Variants in DGKK observed in about 807,000 individuals in gnomAD.
DGKK encodes diacylglycerol kinase kappa.
A neutral mutation model predicts 92.2 loss-of-function variants in DGKK; 35 were observed. The observed-to-expected ratio is 0.38, with a 90% CI of 0.29 to 0.50. The LOEUF is 0.50. DGKK is among the 20% of genes least tolerant of loss of function. The pLI, the probability that DGKK is intolerant of heterozygous loss-of-function variation, is 0.92. For missense variants in DGKK, 910 were observed against 992.2 expected, an observed-to-expected ratio of 0.92 and a Z score of 1.11; for synonymous variants, 368 against 360.6, an observed-to-expected ratio of 1.02 and a Z score of -0.23.
At chrX:50,435,765 A>AAG (rs1557230710) in intron 1 of DGKK, among the ~76,000 whole-genome samples, 1 of 108,128 alleles carries the variant, frequency 9.2e-6, no homozygotes, top group African/African-American at 3.4e-5. Context: ...GATATTCAGA[A>AAG]AGAGAGAGAG....
At chrX:50,376,495 CAGTCTT>C (rs1557223853) in intron 23 of DGKK, among the ~76,000 whole-genome samples, 1 of 111,776 alleles carries the variant, frequency 8.9e-6, no homozygotes, top group Admixed American at 9.5e-5. Flanking sequence ...CAAGGGTAAA[CAGTCTT>C]AGTTCTATTG....
At chrX:50,423,187 C>T (rs1007800286) in intron 2 of DGKK, among the ~76,000 whole-genome samples, 1 of 112,311 alleles carries the variant, frequency 8.9e-6, no homozygotes, top group African/African-American at 3.2e-5. Context: ...AATGGGACAA[C>T]AGATCATGCA....
chrX:50,432,760 A>G (rs1389718329), intron 1 of DGKK, among the ~76,000 whole-genome samples: 2 of 112,683 alleles, frequency 1.8e-5, no homozygotes, highest in East Asian at 5.6e-4. Flanking sequence ...CTAAACACCT[A>G]TAAGTTTTGG....
At chrX:50,375,253 C>T (rs1924241729) in intron 24 of DGKK, among the ~76,000 whole-genome samples, 196 bp from the exon 25 acceptor site, 1 of 111,694 alleles carries the variant, frequency 9.0e-6, no homozygotes, top group Non-Finnish European at 1.9e-5. Context: ...TGCCAGCTGA[C>T]AACTGCTGGT....
chrX:50,394,252 G>A (rs1006560119), intron 8 of DGKK, among the ~76,000 whole-genome samples: 2 of 111,827 alleles, frequency 1.8e-5, no homozygotes, highest in African/African-American at 6.5e-5. Context: ...GGGAGGAGGT[G>A]GGTTGAGAAG....
intron 1 of DGKK, among the ~76,000 whole-genome samples, chrX:50,429,481 C>A (rs950210164): frequency 1.8e-5 from 2 of 111,531 alleles, no homozygotes; most frequent in Non-Finnish European, 3.8e-5. Context: ...GTCAGGAGAT[C>A]GAGACCATCC....
chrX:50,391,606 A>G (rs782557506), intron 10 of DGKK, 30 bp from the exon 11 acceptor site: 3 of 1,205,633 alleles, frequency 2.5e-6, no homozygotes, highest in East Asian at 5.9e-5. Flanking sequence ...CACCCTTTTC[A>G]GACAGTCTTT....
intron 25 of DGKK, 32 bp downstream of exon 25, chrX:50,374,939 T>C (rs1924230494): frequency 3.5e-6 from 4 of 1,139,973 alleles, no homozygotes; most frequent in Non-Finnish European, 4.8e-6. Flanking sequence ...TAGAATACTT[T>C]GCCCTCCCAG....
In DGKK at chrX:50,447,409, AATATAT is replaced by A. The variant is rs1300605253; in HGVS notation, c.645+22619_645+22624del. On this transcript the variant is annotated intron_variant, in intron 1 of 27. Coordinates refer to ENST00000611977, the MANE Select transcript of DGKK (RefSeq NM_001013742.4). ...ATATATATATATTATATATATATAT[AATATAT>A]ATATATATATATTATATATATATTT... Among the ~76,000 whole-genome samples, 6 of 12,466 alleles carry A rather than the reference AATATAT, an allele frequency of 4.8e-4. 1 individual carries two copies. Among genetic ancestry groups the A allele is most frequent in the African/African-American group, 1.6e-3 (2 of 1,222 alleles). 10.8% of individuals were successfully genotyped at this position (12,466 alleles called of 115,157 possible). A position where few individuals can be genotyped will look rare whatever the true frequency, so the allele number is the denominator to read the frequency against.
At chrX:50,430,037 T>C (rs1208564325) in intron 1 of DGKK, among the ~76,000 whole-genome samples, 4 of 112,490 alleles carry the variant, frequency 3.6e-5, no homozygotes, top group Non-Finnish European at 7.5e-5. Flanking sequence ...AGTTGAAATT[T>C]TTCCTCTCAA....
rs1220876216 is a variant in DGKK, at chrX:50,370,533, G to A, written c.3629C>T (p.Thr1210Ile). ...IFVPEEKSSDTDSRSLRLKIK... is the reference protein window; with the variant it reads ...IFVPEEKSSDIDSRSLRLKIK... ...TTTCAGCCTGAGGCTTCTACTGTCAGTGTCCGAAGATTTTTCCTGAGAAAC... is the reference window on the plus strand; with the variant it reads ...TTTCAGCCTGAGGCTTCTACTGTCAATGTCCGAAGATTTTTCCTGAGAAAC... The change falls in exon 27 of 28, where the codon ACT becomes ATT. Residue 1210 changes from threonine to isoleucine, a missense_variant. Coordinates refer to ENST00000611977, the MANE Select transcript of DGKK (RefSeq NM_001013742.4). The A allele has an allele frequency of 1.7e-6, 2 of 1,196,342 alleles. No individual in the cohort carries two copies. The highest frequency in any genetic ancestry group is 1.8e-5 in the African/African-American group (1 of 56,918).
chrX:50,457,583 G>A (rs1926639557), intron 1 of DGKK, among the ~76,000 whole-genome samples: 1 of 111,705 alleles, frequency 9.0e-6, no homozygotes, highest in East Asian at 2.8e-4. Context: ...CAGGCAGAGT[G>A]TAAATTCTAA....
chrX:50,407,359 A>C (rs1200617369), intron 4 of DGKK, among the ~76,000 whole-genome samples: 1 of 111,902 alleles, frequency 8.9e-6, no homozygotes, highest in Non-Finnish European at 1.9e-5. Flanking sequence ...TTACAGCTGG[A>C]AAGTCCAAGA....
intron 2 of DGKK, among the ~76,000 whole-genome samples, chrX:50,423,571 A>C (rs1198888603): frequency 8.9e-6 from 1 of 112,182 alleles, no homozygotes; most frequent in African/African-American, 3.2e-5. Context: ...AAGATAAGGC[A>C]ACCCATAGTT....
In DGKK at chrX:50,365,618, A is replaced by G. The variant is rs965907651; in HGVS notation, c.*3322T>C. 12 of 111,136 alleles carry G rather than the reference A, an allele frequency of 1.1e-4. No homozygotes were observed. The highest frequency in any genetic ancestry group is 3.9e-4 in the African/African-American group (12 of 30,482). The allele number at this position is 111,136 out of a possible 1,213,427, so 9.2% of individuals were successfully genotyped here. A position where few individuals can be genotyped will look rare whatever the true frequency, so the allele number is the denominator to read the frequency against. On this transcript the variant is annotated 3_prime_UTR_variant, in exon 28 of 28. Coordinates refer to ENST00000611977, the MANE Select transcript of DGKK (RefSeq NM_001013742.4). Reference sequence around the variant, plus strand: ...TTTGCAGGGGCCTCTGAGGAAATAAAAAACACAGAGCAGAAAACAACAATG... The same window carrying G: ...TTTGCAGGGGCCTCTGAGGAAATAAGAAACACAGAGCAGAAAACAACAATG...
At chrX:50,451,048 T>C (rs1156247178) in intron 1 of DGKK, among the ~76,000 whole-genome samples, 2 of 111,663 alleles carry the variant, frequency 1.8e-5, no homozygotes, top group Admixed American at 1.9e-4. Context: ...GTTGTCAGTG[T>C]TCTCAGATTC....
At chrX:50,395,116 G>C (rs1282771820) in intron 8 of DGKK, among the ~76,000 whole-genome samples, 3 of 111,179 alleles carry the variant, frequency 2.7e-5, no homozygotes, top group Non-Finnish European at 5.7e-5. Context: ...CAAAAATAAG[G>C]GGAAGACTGT....
chrX:50,392,544 G>T, intron 9 of DGKK, 95 bp from the exon 10 acceptor site: 3 of 681,694 alleles, frequency 4.4e-6, no homozygotes, highest in Non-Finnish European at 6.9e-6. Flanking sequence ...TGCTGCTTTG[G>T]CACTCTGCTA....
At chrX:50,389,517 G>A (rs5961266) in intron 12 of DGKK, among the ~76,000 whole-genome samples, 30,529 of 111,095 alleles carry the variant, frequency 0.27, 3,329 homozygotes, top group Middle Eastern at 0.39. Flanking sequence ...GATAAAGCAC[G>A]CATAGGAAAA....
Sources: allele counts gnomAD v4.1 joint callset (sites outside exome capture counted in the v4.1 genomes callset), GRCh38; gene constraint gnomAD v4.1.1; transcripts MANE v1.5; gene names NCBI Gene and HGNC (gene_info 2026-07-23, HGNC 2026-07-21).